The following DISP1 variants were observed in gnomAD, a reference collection of about 807,000 sequenced individuals.
DISP1 encodes protein dispatched homolog 1.
A neutral mutation model predicts 37.3 loss-of-function variants in DISP1; 30 were observed. That is an observed-to-expected ratio of 0.80 (90% CI 0.60 to 1.09). The LOEUF is 1.09. DISP1 is among the 50% of genes least tolerant of loss of function. The probability of loss-of-function intolerance (pLI) is 0.00; values close to 1 mark genes in which losing one functional copy is unlikely to be tolerated. For synonymous variants in DISP1, 634 were observed against 690.2 expected (o/e 0.92, Z 1.28); for missense variants, 1,598 against 1,879.5 (o/e 0.85, Z 2.77).
intron 1 of DISP1, among the ~76,000 whole-genome samples, chr1:222,906,478 G>A (rs1444267421): frequency 6.6e-6 from 1 of 152,188 alleles, no homozygotes; most frequent in Non-Finnish European, 1.5e-5. Context: ...CTTAGTCACA[G>A]GATAAGACAG....
intron 1 of DISP1, among the ~76,000 whole-genome samples, chr1:222,853,901 C>A (rs1007886295): frequency 9.9e-5 from 15 of 152,106 alleles, no homozygotes. Flanking sequence ...GTTGAGCATT[C>A]CCAACACAAA....
chr1:222,895,070 A>G (rs1340387384), intron 1 of DISP1, among the ~76,000 whole-genome samples: 3 of 152,220 alleles, frequency 2.0e-5, no homozygotes, highest in Non-Finnish European at 2.9e-5. Flanking sequence ...CAGGATGGGT[A>G]GAAATACAGA....
intron 1 of DISP1, among the ~76,000 whole-genome samples, chr1:222,899,551 G>T (rs1671467348): frequency 6.6e-6 from 1 of 152,126 alleles, no homozygotes; most frequent in Non-Finnish European, 1.5e-5. Flanking sequence ...CTGGCTTACA[G>T]GAATGAGATT....
At chr1:222,825,269 G>C (rs1664046782) in intron 1 of DISP1, among the ~76,000 whole-genome samples, 1 of 152,086 alleles carries the variant, frequency 6.6e-6, no homozygotes, top group Non-Finnish European at 1.5e-5. Flanking sequence ...CCCAGAAACT[G>C]CCTAGATTTT....
At chr1:222,883,027 C>T (rs1003420461) in intron 1 of DISP1, among the ~76,000 whole-genome samples, 1 of 152,042 alleles carries the variant, frequency 6.6e-6, no homozygotes, top group Non-Finnish European at 1.5e-5. Flanking sequence ...TAGTACTAGT[C>T]ATAAAAGAAA....
intron 1 of DISP1, among the ~76,000 whole-genome samples, chr1:222,832,287 T>A (rs11487817): frequency 1.3e-5 from 2 of 152,046 alleles, no homozygotes; most frequent in African/African-American, 4.8e-5. Context: ...GATTTACTAC[T>A]TGTTGGCTTA....
rs1679649996 is a variant in DISP1, at chr1:223,003,600, A to G, written c.2203A>G (p.Ile735Val). 9 of 1,614,212 alleles carry G rather than the reference A, an allele frequency of 5.6e-6. No individual in the cohort carries two copies. The highest frequency in any genetic ancestry group is 7.6e-6 in the Non-Finnish European group (9 of 1,180,050). The change falls in exon 9 of 9, where the codon ATT becomes GTT. Residue 735 changes from isoleucine (I) to valine (V), a missense_variant. Physicochemically the swap from Ile to Val is conservative, Grantham distance 29. Transcript: ENST00000675850. The surrounding 1 kb of genome is among the most constrained non-coding windows in gnomAD (Gnocchi z 4.3). The stretch of plus-strand genomic sequence containing the variant: ...TGCCTTAACTGTAGGTGGGGCCTAC[A>G]TTGTATGTATAAATCCAAAGATGAA... ...FLALTVGGAY[I>V]VCINPKMKLP...
At position 222,891,999 on chromosome 1, in the gene DISP1, G is replaced by A. The variant is rs760935273; in HGVS notation, c.-158-36431G>A. ...AAGAGCAAGAAAATTAATGGGGGTG[G>A]GGAGAGGAGAGGAGAGGAGGGAGTG... is the stretch of plus-strand genomic sequence containing the variant. On this transcript the variant is annotated intron_variant, in intron 1 of 8. Transcript: ENST00000675850. Among the ~76,000 whole-genome samples the A allele has an allele frequency of 3.7e-4, 56 of 152,084 alleles. 1 individual carries two copies. The highest frequency in any genetic ancestry group is 5.8e-4 in the East Asian group (3 of 5,178).
chr1:222,859,444 T>A (rs1296198096), intron 1 of DISP1, among the ~76,000 whole-genome samples: 1 of 152,238 alleles, frequency 6.6e-6, no homozygotes, highest in Non-Finnish European at 1.5e-5. Context: ...CATGTTTACC[T>A]ATGTAACAAA....
At chr1:222,999,988 A>G (rs548133677) in intron 8 of DISP1, among the ~76,000 whole-genome samples, 1 of 152,322 alleles carries the variant, frequency 6.6e-6, no homozygotes, top group Admixed American at 6.5e-5. Flanking sequence ...CTGTGTTTAT[A>G]ATGTCTAACC....
intron 1 of DISP1, among the ~76,000 whole-genome samples, chr1:222,846,314 A>G (rs536977213): frequency 2.0e-5 from 3 of 152,202 alleles, no homozygotes; most frequent in Non-Finnish European, 4.4e-5. Context: ...CAACACGGCA[A>G]AACCCCGTCT....
At chr1:222,939,853 CA>C (rs1208082914) in intron 2 of DISP1, among the ~76,000 whole-genome samples, 4 of 151,634 alleles carry the variant, frequency 2.6e-5, no homozygotes, top group African/African-American at 9.7e-5. Flanking sequence ...AGGCCGGGCG[CA>C]GTGGCTCACG....
At chr1:222,828,336 A>G (rs934364530) in intron 1 of DISP1, among the ~76,000 whole-genome samples, 4 of 151,748 alleles carry the variant, frequency 2.6e-5, no homozygotes, top group Non-Finnish European at 4.4e-5. Flanking sequence ...TTTTTTCTCT[A>G]TGGTTACCGT....
chr1:222,999,576 G>A lies in DISP1; in HGVS notation c.988-2809G>A, dbSNP rs138243955. Among the ~76,000 whole-genome samples, 451 of 152,124 alleles carry A rather than the reference G, an allele frequency of 3.0e-3. 1 individual carries two copies. Among genetic ancestry groups the A allele is most frequent in the African/African-American group, 9.9e-3 (413 of 41,508 alleles). ...CCTTACAGATAATACCATACTTCTC[G>A]CTTTGAATTACAGTTACTTATGTTT... On this transcript the variant is annotated intron_variant, in intron 8 of 8. Transcript: ENST00000675850.
Position 223,002,478 on chromosome 1 carries a change from C to G in DISP1, c.1081C>G (p.Leu361Val), listed in dbSNP as rs144807113. Reference sequence around the variant, plus strand: ...GACACTGGGAAACTACATCGCCATTCTGAACAATAGATCGTCCTGTCAGAA... The same window carrying G: ...GACACTGGGAAACTACATCGCCATTGTGAACAATAGATCGTCCTGTCAGAA... ...SWTLGNYIAI[L>V]NNRSSCQKIV... The change falls in exon 9 of 9, where the codon CTG (leucine) becomes GTG (valine). Residue 361 changes from leucine to valine, a missense_variant. By Grantham distance (32) the Leu-to-Val change is conservative. Transcript: ENST00000675850. 17 of 1,614,086 alleles carry G rather than the reference C, an allele frequency of 1.1e-5. No individual in the cohort carries two copies. In the African/African-American group the frequency reaches 2.0e-4, roughly 19 times the overall value.
intron 3 of DISP1, among the ~76,000 whole-genome samples, chr1:222,970,217 A>ATCC (rs370251693): frequency 0.029 from 4,342 of 152,282 alleles, 77 homozygotes; most frequent in Middle Eastern, 0.068. Flanking sequence ...ACAGTGTGAC[A>ATCC]TGCACCAGCA....
chr1:222,884,411 G>A (rs1351295475), intron 1 of DISP1, among the ~76,000 whole-genome samples: 1 of 152,076 alleles, frequency 6.6e-6, no homozygotes, highest in Non-Finnish European at 1.5e-5. Flanking sequence ...GTACTAAATT[G>A]TTGTGTCTCC....
rs941951258 is a variant in DISP1, at chr1:222,949,828, T to C, written c.509+6496T>C. On this transcript the variant is annotated intron_variant, in intron 3 of 8. Coordinates refer to ENST00000675850, the MANE Select transcript of DISP1 (RefSeq NM_001377229.1). ...TTTTAGTAGAGATGGGGTTTCACCA[T>C]GTTGACCAGGCTGGTCTTGAACTCC... Among the ~76,000 whole-genome samples the C allele has an allele frequency of 3.9e-5, 6 of 152,192 alleles. No individual in the cohort carries two copies. The South Asian group carries it at 1.0e-3, about 26-fold the overall frequency.
At chr1:222,854,768 C>A (rs541885903) in intron 1 of DISP1, among the ~76,000 whole-genome samples, 2 of 151,106 alleles carry the variant, frequency 1.3e-5, no homozygotes, top group South Asian at 2.1e-4. Flanking sequence ...TCATAAATGG[C>A]AAATATTACG....
Sources: allele counts gnomAD v4.1 joint callset (sites outside exome capture counted in the v4.1 genomes callset), GRCh38; gene constraint gnomAD v4.1.1; non-coding constraint Gnocchi (gnomAD v3.1); transcripts MANE v1.5; gene names NCBI Gene and HGNC (gene_info 2026-07-23, HGNC 2026-07-21).